The following ST8SIA6 variants were observed in gnomAD, a reference collection of about 807,000 sequenced individuals.
The protein encoded by ST8SIA6 is alpha-2,8-sialyltransferase 8F.
In ST8SIA6, 39 loss-of-function variants were observed where a neutral mutation model predicts 33.6. The ratio of observed to expected loss-of-function variants is 1.16; its 90% CI spans 0.90 to 1.52. The LOEUF is 1.52. Among genes scored for constraint, ST8SIA6 ranks in the 40% most tolerant of loss-of-function variants. The pLI, the probability that ST8SIA6 is intolerant of heterozygous loss-of-function variation, is 0.00. For missense variants in ST8SIA6, 441 were observed against 443.8 expected (o/e 0.99, Z 0.06); for synonymous variants, 172 against 167.2 (o/e 1.03, Z -0.22).
chr10:17,397,065 T>G (rs1850831056), intron 2 of ST8SIA6, among the ~76,000 whole-genome samples: 1 of 152,172 alleles, frequency 6.6e-6, no homozygotes, highest in South Asian at 2.1e-4. Flanking sequence ...GATGTGAATT[T>G]AAAGTAAGTG....
rs112162166 is a variant in ST8SIA6 at position 17,342,981 on chromosome 10, G to C, written c.378-11429C>G. ...ATAAGAATGACAAAGGCAGCAGGGC[G>C]TTATGATAATGGCTCAATATGAGAT... On this transcript the variant is annotated intron_variant, in intron 4 of 7. Transcript: ENST00000377602. Among the ~76,000 whole-genome samples, 501 of 152,228 alleles carry C rather than the reference G, an allele frequency of 3.3e-3. 7 individuals are homozygous for C. The highest frequency in any genetic ancestry group is 0.032 in the South Asian group (156 of 4,818).
At chr10:17,324,919 TATATA>T (rs1007817572) in intron 6 of ST8SIA6, among the ~76,000 whole-genome samples, 9 of 146,160 alleles carry the variant, frequency 6.2e-5, no homozygotes, top group Non-Finnish European at 1.2e-4. Flanking sequence ...TAATATGTAA[TATATA>T]ATATGCATAC....
At chr10:17,424,578 G>A (rs565987611) in intron 2 of ST8SIA6, among the ~76,000 whole-genome samples, 3 of 152,004 alleles carry the variant, frequency 2.0e-5, no homozygotes, top group Non-Finnish European at 2.9e-5. Flanking sequence ...AAGACAAACC[G>A]TATTTTCATT....
intron 3 of ST8SIA6, among the ~76,000 whole-genome samples, chr10:17,363,180 A>G (rs766869867): frequency 1.3e-5 from 2 of 152,134 alleles, no homozygotes; most frequent in Non-Finnish European, 2.9e-5. Flanking sequence ...GCCCTCCTTC[A>G]ATGTATCTAT....
At chr10:17,437,871 C>G (rs916574944) in intron 2 of ST8SIA6, among the ~76,000 whole-genome samples, 5 of 152,124 alleles carry the variant, frequency 3.3e-5, no homozygotes, top group Middle Eastern at 3.2e-3. Context: ...GCTGGGACTA[C>G]AGGTGGGCAC....
chr10:17,447,018 CTG>C (rs943652577), intron 2 of ST8SIA6, among the ~76,000 whole-genome samples: 5 of 137,798 alleles, frequency 3.6e-5, no homozygotes, highest in African/African-American at 1.4e-4. Flanking sequence ...ATTACCGACT[CTG>C]TCTCAAAAAA....
At chr10:17,403,470 C>CT (rs1851127127) in intron 2 of ST8SIA6, 1 of 152,146 alleles carries the variant, frequency 6.6e-6, no homozygotes. Flanking sequence ...GTGTTTCTGT[C>CT]TTTTTTAACC....
At chr10:17,425,537 G>A (rs181900516) in intron 2 of ST8SIA6, among the ~76,000 whole-genome samples, 60 of 151,696 alleles carry the variant, frequency 4.0e-4, no homozygotes, top group African/African-American at 1.3e-3. Flanking sequence ...ACTGCACTCC[G>A]GCCTAGGCAG....
At chr10:17,406,929 G>A (rs1851287748) in intron 2 of ST8SIA6, among the ~76,000 whole-genome samples, 3 of 151,778 alleles carry the variant, frequency 2.0e-5, no homozygotes, top group Admixed American at 2.0e-4. Flanking sequence ...CAAGTAGCTG[G>A]GATTACAGGC....
chr10:17,426,150 T>C (rs1460812455), intron 2 of ST8SIA6, among the ~76,000 whole-genome samples: 1 of 152,192 alleles, frequency 6.6e-6, no homozygotes, highest in African/African-American at 2.4e-5. Flanking sequence ...CCCCTGCTTC[T>C]TCACTCTGTT....
intron 7 of ST8SIA6, 140 bp downstream of exon 7, chr10:17,322,925 A>T: frequency 1.6e-6 from 1 of 636,286 alleles, no homozygotes; most frequent in Non-Finnish European, 2.5e-6. Context: ...TTTGCAAATG[A>T]ATTCTTATAT....
At chr10:17,334,233 G>T (rs1318180765) in intron 4 of ST8SIA6, among the ~76,000 whole-genome samples, 4 of 151,644 alleles carry the variant, frequency 2.6e-5, no homozygotes, top group African/African-American at 7.3e-5. Flanking sequence ...TCATTGTAAT[G>T]ATTTTATAAT....
intron 2 of ST8SIA6, among the ~76,000 whole-genome samples, chr10:17,445,018 T>C (rs1199482780): frequency 6.6e-6 from 1 of 152,200 alleles, no homozygotes; most frequent in African/African-American, 2.4e-5. Context: ...GAAAAACCTT[T>C]TATTGCTCTT....
chr10:17,369,659 G>A (rs907278564), intron 3 of ST8SIA6, among the ~76,000 whole-genome samples: 2 of 149,346 alleles, frequency 1.3e-5, no homozygotes, highest in Non-Finnish European at 3.0e-5. Flanking sequence ...GGATATTGAA[G>A]TTTTGAATTA....
At chr10:17,353,575 A>G (rs1849099587) in intron 4 of ST8SIA6, among the ~76,000 whole-genome samples, 1 of 152,242 alleles carries the variant, frequency 6.6e-6, no homozygotes, top group Admixed American at 6.5e-5. Context: ...CATATCCAAC[A>G]CAAGAAAGAC....
At chr10:17,377,579 G>A (rs1278118551) in intron 3 of ST8SIA6, among the ~76,000 whole-genome samples, 1 of 152,120 alleles carries the variant, frequency 6.6e-6, no homozygotes, top group African/African-American at 2.4e-5. Flanking sequence ...CTGAAACACA[G>A]AATAAAGAAT....
intron 2 of ST8SIA6, among the ~76,000 whole-genome samples, chr10:17,437,667 G>T (rs890077497): frequency 4.6e-4 from 40 of 87,154 alleles, no homozygotes; most frequent in African/African-American, 8.5e-4. Context: ...CCTTCCTTCT[G>T]TCTCTCTTTC....
intron 4 of ST8SIA6, 133 bp from the exon 5 acceptor site, chr10:17,331,685 G>T: frequency 1.1e-6 from 1 of 934,556 alleles, no homozygotes; most frequent in Non-Finnish European, 1.5e-6. Flanking sequence ...TCACAAAGAT[G>T]ACTTTGATTT....
chr10:17,331,489 T>G lies in ST8SIA6; in HGVS notation c.441A>C (p.Pro147=), dbSNP rs766919765. ...QNFVVSQNNT[P]VGTNMSYEVE... Reference sequence around the variant, plus strand: ...CCTCGTAACTCATATTAGTCCCAACTGGAGTGTTATTCTGAGAAACAACAA... The same window carrying G: ...CCTCGTAACTCATATTAGTCCCAACGGGAGTGTTATTCTGAGAAACAACAA... The change falls in exon 5 of 8, where the codon CCA becomes CCC. Residue 147 remains proline, a synonymous_variant. Coordinates refer to ENST00000377602, the MANE Select transcript of ST8SIA6 (RefSeq NM_001004470.3). 7 of 1,613,602 alleles carry G rather than the reference T, an allele frequency of 4.3e-6. No individual in the cohort carries two copies. The South Asian group carries it at 7.7e-5, about 18-fold the overall frequency.
Sources: allele counts gnomAD v4.1 joint callset (sites outside exome capture counted in the v4.1 genomes callset), GRCh38; gene constraint gnomAD v4.1.1; transcripts MANE v1.5; gene names NCBI Gene and HGNC (gene_info 2026-07-23, HGNC 2026-07-21).